RUFY1: variants seen among roughly 807,000 people sequenced by gnomAD.
The protein encoded by RUFY1 is RUN and FYVE domain containing 1.
In RUFY1, 54 loss-of-function variants were observed where a neutral mutation model predicts 94.6. The ratio of observed to expected loss-of-function variants is 0.57; its 90% CI spans 0.46 to 0.72. The LOEUF (loss-of-function observed/expected upper bound fraction) is 0.72. Ranked by LOEUF, RUFY1 falls within the 30% of genes least tolerant of loss-of-function variation. RUFY1 has a pLI of 0.00. For missense variants in RUFY1, 883 were observed against 883.9 expected, an observed-to-expected ratio of 1.00 and a Z score of 0.01; for synonymous variants, 396 against 347.3, an observed-to-expected ratio of 1.14 and a Z score of -1.56.
chr5:179,575,328 G>T (rs183292222), intron 5 of RUFY1, among the ~76,000 whole-genome samples: 373 of 152,258 alleles, frequency 2.4e-3, no homozygotes, highest in African/African-American at 8.5e-3. Context: ...GAAATCACCT[G>T]AAGACTTGCT....
intron 4 of RUFY1, among the ~76,000 whole-genome samples, chr5:179,568,341 G>A (rs1466303682): frequency 1.3e-5 from 2 of 152,116 alleles, no homozygotes; most frequent in African/African-American, 4.8e-5. Flanking sequence ...CATTATAAAA[G>A]GAATGTTCTC....
chr5:179,590,470 G>A (rs954780730), intron 9 of RUFY1, among the ~76,000 whole-genome samples: 1 of 151,998 alleles, frequency 6.6e-6, no homozygotes, highest in East Asian at 1.9e-4. Context: ...ATGGAGTCTT[G>A]TTCTGTTTTT....
intron 6 of RUFY1, 150 bp downstream of exon 6, chr5:179,577,286 C>T: frequency 1.8e-6 from 1 of 558,444 alleles, no homozygotes. Flanking sequence ...ATTCTTCTGC[C>T]TCAGCCTCCT....
chr5:179,602,677 T>G (rs1162770185), intron 15 of RUFY1: 1 of 152,234 alleles, frequency 6.6e-6, no homozygotes, highest in Non-Finnish European at 1.5e-5. Flanking sequence ...GTAACAGAAA[T>G]CCAACTCAAA....
intron 1 of RUFY1, chr5:179,559,767 A>G: frequency 8.4e-7 from 1 of 1,194,656 alleles, no homozygotes; most frequent in Non-Finnish European, 1.0e-6. Context: ...CAACGCGCGG[A>G]GCCGTCTGGG....
chr5:179,563,923 C>T (rs912483331), intron 3 of RUFY1, among the ~76,000 whole-genome samples: 35 of 152,216 alleles, frequency 2.3e-4, no homozygotes, highest in African/African-American at 6.7e-4. Context: ...CCACCTGCCT[C>T]GGTCTTCCAA....
chr5:179,596,622 G>A lies in RUFY1; in HGVS notation c.1572G>A (p.Gln524=). ...GAEERSHKLQ[Q]ELGGRIGALQ... is the part of the protein sequence containing the mutation. ...AGGAGCGGAGCCACAAGCTGCAGCAGGAGCTGGGCGGGAGGATCGGCGCCC... is the reference window on the plus strand; with the variant it reads ...AGGAGCGGAGCCACAAGCTGCAGCAAGAGCTGGGCGGGAGGATCGGCGCCC... The change falls in exon 13 of 18, where the codon CAG becomes CAA. Residue 524 remains glutamine (Q), a synonymous_variant. Transcript: ENST00000319449. 6.2e-7 allele frequency: 1 copy of A among 1,613,102 alleles called. No individual in the cohort carries two copies. Among genetic ancestry groups the A allele is most frequent in the Non-Finnish European group, 8.5e-7 (1 of 1,179,948 alleles).
intron 6 of RUFY1, among the ~76,000 whole-genome samples, chr5:179,577,653 G>A (rs1456753729): frequency 7.8e-6 from 1 of 127,646 alleles, no homozygotes; most frequent in African/African-American, 2.9e-5. Flanking sequence ...GAGGGCGGGG[G>A]TGGGGAGTTT....
Position 179,550,985 on chromosome 5 carries a change from G to A in RUFY1, c.310+106G>A, listed in dbSNP as rs375233185. The A allele has an allele frequency of 4.7e-3, 4,371 of 928,080 alleles. 154 individuals carry two copies. In the African/African-American group the frequency reaches 0.067, roughly 14 times the overall value. 57.5% of individuals were successfully genotyped at this position (928,080 alleles called of 1,614,324 possible). Reference sequence around the variant, plus strand: ...TGGGAGGGCACTGGCCGTTCCGGGAGGTTACGCGAGCTGTTGGCGGGCGGG... The same window carrying A: ...TGGGAGGGCACTGGCCGTTCCGGGAAGTTACGCGAGCTGTTGGCGGGCGGG... On this transcript the variant is annotated intron_variant, in intron 1 of 17. Transcript: ENST00000319449.
At chr5:179,564,608 T>G (rs1179247141) in intron 3 of RUFY1, among the ~76,000 whole-genome samples, 1 of 151,130 alleles carries the variant, frequency 6.6e-6, no homozygotes, top group East Asian at 2.0e-4. Flanking sequence ...GAGGTGGAGG[T>G]TGCAGTGAGC....
chr5:179,580,423 T>C (rs1221996993), intron 6 of RUFY1, among the ~76,000 whole-genome samples: 1 of 151,720 alleles, frequency 6.6e-6, no homozygotes, highest in African/African-American at 2.4e-5. Flanking sequence ...TTTGTATTTT[T>C]AGTAGAGACG....
intron 16 of RUFY1, chr5:179,606,236 T>TTA (rs1767068792): frequency 1.2e-5 from 5 of 415,812 alleles, no homozygotes; most frequent in Non-Finnish European, 1.7e-5. Flanking sequence ...GCGGATATCT[T>TTA]TAAACAGTGG....
At chr5:179,584,000 G>A (rs1046580796) in intron 7 of RUFY1, among the ~76,000 whole-genome samples, 11 of 152,008 alleles carry the variant, frequency 7.2e-5, no homozygotes, top group African/African-American at 2.2e-4. Context: ...CGCCCGCCTC[G>A]GCCTCCCAAA....
At chr5:179,566,565 C>T (rs12719865) in intron 3 of RUFY1, among the ~76,000 whole-genome samples, 46,111 of 148,940 alleles carry the variant, frequency 0.31, 7,637 homozygotes, top group East Asian at 0.64. Flanking sequence ...AAGATCACAA[C>T]GGTGAGCCAA....
At chr5:179,569,806 G>A (rs1019887962) in intron 5 of RUFY1, among the ~76,000 whole-genome samples, 2 of 152,098 alleles carry the variant, frequency 1.3e-5, no homozygotes, top group Non-Finnish European at 2.9e-5. Flanking sequence ...GTGCAGTGGC[G>A]CGATCTCGGC....
At position 179,587,356 on chromosome 5, in the gene RUFY1, G is replaced by A. The variant is rs192648307; in HGVS notation, c.1026+1491G>A. ...GACATGAGTCACTGAGCCCAGCTTC[G>A]GTTATGTTTTCTTTTTTCTTTCTTT... On this transcript the variant is annotated intron_variant, in intron 8 of 17. Transcript: ENST00000319449. Among the ~76,000 whole-genome samples, 124 of 146,664 alleles carry A rather than the reference G, an allele frequency of 8.5e-4. 2 individuals carry two copies. Among genetic ancestry groups the A allele is most frequent in the African/African-American group, 3.0e-3 (120 of 39,768 alleles).
Position 179,598,803 on chromosome 5 carries a change from A to G in RUFY1, c.1743A>G (p.Gln581=). The change falls in exon 14 of 18, where the codon CAA becomes CAG. Residue 581 remains glutamine (Q), a synonymous_variant. Coordinates refer to ENST00000319449, the MANE Select transcript of RUFY1 (RefSeq NM_025158.5). ...CTCTACTCAGGATGGAGCTGCAACAAGTGGAAGGACTGAAAAAGGTGAGGT... is the reference window on the plus strand; with the variant it reads ...CTCTACTCAGGATGGAGCTGCAACAGGTGGAAGGACTGAAAAAGGTGAGGT... ...TSSLLRMELQ[Q]VEGLKKELRE... 6.2e-7 allele frequency: 1 copy of G among 1,614,218 alleles called. No homozygotes were observed. Among genetic ancestry groups the G allele is most frequent in the Non-Finnish European group, 8.5e-7 (1 of 1,180,040 alleles).
intron 11 of RUFY1, 36 bp downstream of exon 11, chr5:179,593,681 T>C: frequency 6.2e-7 from 1 of 1,602,008 alleles, no homozygotes; most frequent in South Asian, 1.1e-5. Context: ...CACAGCCTGG[T>C]TTCTGCTGCT....
At chr5:179,582,843 C>CAAAAAT (rs146968739) in intron 7 of RUFY1, among the ~76,000 whole-genome samples, 27 of 151,670 alleles carry the variant, frequency 1.8e-4, no homozygotes, top group South Asian at 4.2e-4. Context: ...AACTCCATCT[C>CAAAAAT]AAAAATAAAA....
Sources: gnomAD v4.1 joint callset for allele counts (sites outside exome capture counted in the v4.1 genomes callset) on GRCh38, gnomAD v4.1.1 for gene constraint, MANE v1.5 for transcripts, NCBI Gene and HGNC (gene_info 2026-07-23, HGNC 2026-07-21) for gene names.